The following CADPS variants were observed in gnomAD, a reference collection of about 807,000 sequenced individuals.
The protein encoded by CADPS is calcium dependent secretion activator.
CADPS carries 57 observed loss-of-function variants against 167.3 expected under a neutral mutation model. That is an observed-to-expected ratio of 0.34 (90% CI 0.28 to 0.42). The LOEUF is 0.42. Ranked by LOEUF, CADPS falls within the 20% of genes least tolerant of loss-of-function variation. CADPS has a pLI of 1.00. For missense variants in CADPS, 1,414 were observed against 1,738.1 expected (o/e 0.81, Z 3.32); for synonymous variants, 676 against 635.3 (o/e 1.06, Z -0.96).
intron 3 of CADPS, among the ~76,000 whole-genome samples, chr3:62,717,175 CAA>C (rs1022714177): frequency 6.6e-6 from 1 of 152,210 alleles, no homozygotes; most frequent in African/African-American, 2.4e-5. Context: ...AAACAACCAA[CAA>C]AGAGTTGGAT....
chr3:62,728,388 A>G (rs969872144), intron 3 of CADPS, among the ~76,000 whole-genome samples: 13 of 151,762 alleles, frequency 8.6e-5, no homozygotes, highest in Non-Finnish European at 4.4e-5. Context: ...AATTTTTTCT[A>G]TATCTAACAC....
intron 14 of CADPS, among the ~76,000 whole-genome samples, chr3:62,517,705 C>T (rs997134418): frequency 6.6e-6 from 1 of 152,114 alleles, no homozygotes; most frequent in Non-Finnish European, 1.5e-5. Context: ...TCAATCCACC[C>T]AGGCTGATGC....
intron 28 of CADPS, among the ~76,000 whole-genome samples, chr3:62,434,173 C>T (rs2054524864): frequency 6.6e-6 from 1 of 152,112 alleles, no homozygotes; most frequent in African/African-American, 2.4e-5. Context: ...TATTCTCTTA[C>T]TTTAAATCTC....
At chr3:62,819,791 A>ATG (rs1168845623) in intron 1 of CADPS, among the ~76,000 whole-genome samples, 2 of 152,264 alleles carry the variant, frequency 1.3e-5, no homozygotes, top group Admixed American at 6.5e-5. Context: ...GTTGTCATAC[A>ATG]TTGTTCCTGG....
At chr3:62,437,423 A>G (rs913131759) in intron 28 of CADPS, among the ~76,000 whole-genome samples, 6 of 151,760 alleles carry the variant, frequency 4.0e-5, no homozygotes, top group Non-Finnish European at 7.4e-5. Flanking sequence ...AGATTGCTCA[A>G]AAATGATTAA....
chr3:62,650,767 A>G (rs2069894308), intron 5 of CADPS, 80 bp downstream of exon 5: 1 of 1,035,116 alleles, frequency 9.7e-7, no homozygotes, highest in Non-Finnish European at 1.5e-6. Context: ...AACAGAAAAA[A>G]CAAGCTGATT....
Position 62,438,352 on chromosome 3 carries a change from T to C in CADPS, c.3670-141A>G. The C allele has an allele frequency of 1.6e-6, 1 of 627,406 alleles. No homozygotes were observed. Among genetic ancestry groups the C allele is most frequent in the African/African-American group, 1.8e-5 (1 of 54,472 alleles). 38.9% of individuals were successfully genotyped at this position (627,406 alleles called of 1,614,324 possible). A position where few individuals can be genotyped will look rare whatever the true frequency, so the allele number is the denominator to read the frequency against. On this transcript the variant is annotated intron_variant, in intron 27 of 29. Transcript: ENST00000383710. The surrounding 1 kb of genome is among the most constrained non-coding windows in gnomAD (Gnocchi z 4.7). ...CAGCTTTGTAGGCATGGGATTGCTG[T>C]CCACAGCCTGGGCTGGTAGGAATTG...
At chr3:62,626,222 T>C (rs1222380558) in intron 6 of CADPS, 1 of 257,432 alleles carries the variant, frequency 3.9e-6, no homozygotes, top group Non-Finnish European at 7.3e-6. Context: ...TTCCGGTCAT[T>C]GAGAAGACAA....
At chr3:62,861,938 G>C (rs9840608) in intron 1 of CADPS, among the ~76,000 whole-genome samples, 18,830 of 151,976 alleles carry the variant, frequency 0.12, 1,228 homozygotes, top group Middle Eastern at 0.15. Context: ...GCTATCACTT[G>C]ATCTCAGTCA....
intron 3 of CADPS, among the ~76,000 whole-genome samples, chr3:62,748,168 CAAAAAAAAA>C (rs139568165): frequency 3.5e-4 from 22 of 63,188 alleles, no homozygotes; most frequent in Admixed American, 2.3e-3. Flanking sequence ...ACTAAAATTA[CAAAAAAAAA>C]AAAAAAAAAA....
chr3:62,732,904 C>T (rs1368472207), intron 3 of CADPS, among the ~76,000 whole-genome samples: 1 of 152,312 alleles, frequency 6.6e-6, no homozygotes, highest in East Asian at 1.9e-4. Context: ...GGTCACCGAG[C>T]TCCTCCGACA....
intron 1 of CADPS, among the ~76,000 whole-genome samples, chr3:62,821,461 C>G (rs1003790295): frequency 6.6e-6 from 1 of 152,162 alleles, no homozygotes; most frequent in Non-Finnish European, 1.5e-5. Context: ...GAAGAATGTT[C>G]TTTGCCTCTT....
chr3:62,626,213 T>A, intron 6 of CADPS: 1 of 239,188 alleles, frequency 4.2e-6, no homozygotes, highest in Non-Finnish European at 7.9e-6. Context: ...GACATTTCAT[T>A]CCGGTCATTG....
chr3:62,766,051 G>T, intron 1 of CADPS, 67 bp from the exon 2 acceptor site: 1 of 1,135,020 alleles, frequency 8.8e-7, no homozygotes, highest in Non-Finnish European at 1.3e-6. Flanking sequence ...GATACTTTAT[G>T]CTGAAGATGC....
chr3:62,668,072 C>T (rs2074807003), intron 3 of CADPS, among the ~76,000 whole-genome samples: 1 of 152,318 alleles, frequency 6.6e-6, no homozygotes, highest in Middle Eastern at 3.4e-3. Flanking sequence ...AACTTCAACC[C>T]TAGACTCTTC....
intron 1 of CADPS, among the ~76,000 whole-genome samples, chr3:62,835,784 A>G (rs2075806479): frequency 6.6e-6 from 1 of 152,232 alleles, no homozygotes; most frequent in Non-Finnish European, 1.5e-5. Context: ...CAGCTTCCCT[A>G]TTCTGAGCCC....
chr3:62,574,532 G>A (rs1192716226), intron 8 of CADPS, among the ~76,000 whole-genome samples: 3 of 152,290 alleles, frequency 2.0e-5, no homozygotes, highest in African/African-American at 7.2e-5. Flanking sequence ...AGCACAAACA[G>A]CTCTGGGGTT....
chr3:62,561,041 T>A (rs2079057612), intron 9 of CADPS, among the ~76,000 whole-genome samples: 1 of 129,906 alleles, frequency 7.7e-6, no homozygotes, highest in African/African-American at 3.0e-5. Flanking sequence ...ATCGCACCAC[T>A]GCACTCCAGC....
chr3:62,461,779 T>C lies in CADPS; in HGVS notation c.3636+3588A>G, dbSNP rs7653102. Among the ~76,000 whole-genome samples, 18 of 152,306 alleles carry C rather than the reference T, an allele frequency of 1.2e-4. 1 individual carries two copies. The East Asian group carries it at 3.5e-3, about 29-fold the overall frequency. Reference sequence around the variant, plus strand: ...CCCCGCTTTCTCTTGCTCTCCAGTTTATGTCCTGTGGAAATGCTTCTCCCA... The same window carrying C: ...CCCCGCTTTCTCTTGCTCTCCAGTTCATGTCCTGTGGAAATGCTTCTCCCA... On this transcript the variant is annotated intron_variant, in intron 26 of 29. Coordinates refer to ENST00000383710, the MANE Select transcript of CADPS (RefSeq NM_003716.4).
Sources: gnomAD v4.1 joint callset for allele counts (sites outside exome capture counted in the v4.1 genomes callset) on GRCh38, gnomAD v4.1.1 for gene constraint, Gnocchi (gnomAD v3.1) non-coding constraint, MANE v1.5 for transcripts, NCBI Gene and HGNC (gene_info 2026-07-23, HGNC 2026-07-21) for gene names.